Variants in BAZ2B observed in about 807,000 individuals in gnomAD.
BAZ2B encodes bromodomain adjacent to zinc finger domain 2B.
BAZ2B carries 91 observed loss-of-function variants against 246.0 expected under a neutral mutation model. The ratio of observed to expected loss-of-function variants is 0.37; its 90% CI spans 0.31 to 0.44. The LOEUF (loss-of-function observed/expected upper bound fraction) is 0.44. BAZ2B is among the 20% of genes least tolerant of loss of function. The probability of loss-of-function intolerance (pLI) is 1.00; values close to 1 mark genes in which losing one functional copy is unlikely to be tolerated. For synonymous variants in BAZ2B, 855 were observed against 860.0 expected (o/e 0.99, Z 0.10); for missense variants, 2,332 against 2,533.7 (o/e 0.92, Z 1.71).
chr2:159,708,134 T>C, the BAZ2B span, among the ~76,000 whole-genome samples: 1 of 151,662 alleles, frequency 6.6e-6, no homozygotes, highest in Admixed American at 6.6e-5. Context: ...AGCAAAAAAT[T>C]TAAAAACAAC....
At chr2:159,345,286 G>A (rs984922377) in intron 31 of BAZ2B, among the ~76,000 whole-genome samples, 2 of 151,756 alleles carry the variant, frequency 1.3e-5, no homozygotes, top group African/African-American at 4.8e-5. Flanking sequence ...ACTGTACGAT[G>A]ACTATAGTTA....
intron 2 of BAZ2B, among the ~76,000 whole-genome samples, chr2:159,512,090 C>T (rs944833834): frequency 6.6e-6 from 1 of 152,018 alleles, no homozygotes; most frequent in African/African-American, 2.4e-5. Flanking sequence ...TCTACCTATT[C>T]CCTCAGTATA....
chr2:159,700,910 A>C, the BAZ2B span, among the ~76,000 whole-genome samples: 3 of 152,344 alleles, frequency 2.0e-5, no homozygotes, highest in South Asian at 6.2e-4. Flanking sequence ...TCAATTTCAT[A>C]AAGTGATGTC....
At chr2:159,656,638 G>A in the BAZ2B span, among the ~76,000 whole-genome samples, 4 of 152,018 alleles carry the variant, frequency 2.6e-5, no homozygotes, top group African/African-American at 9.7e-5. Flanking sequence ...ACGTGTTTAA[G>A]GTTTCTCCAT....
At chr2:159,619,751 T>C (rs991289534), upstream of BAZ2B, among the ~76,000 whole-genome samples, 1 of 152,168 alleles carries the variant, frequency 6.6e-6, no homozygotes, top group Non-Finnish European at 1.5e-5. Context: ...TAAATTATTT[T>C]TAAAATATGA....
intron 9 of BAZ2B, among the ~76,000 whole-genome samples, 190 bp from the exon 10 acceptor site, chr2:159,431,346 T>C (rs2071078761): frequency 6.6e-6 from 1 of 152,156 alleles, no homozygotes; most frequent in Non-Finnish European, 1.5e-5. Context: ...TCAAAAACAA[T>C]TTTTTAAGTG....
chr2:159,580,404 C>T (rs1054674436), intron 1 of BAZ2B, among the ~76,000 whole-genome samples: 4 of 152,150 alleles, frequency 2.6e-5, no homozygotes, highest in Non-Finnish European at 5.9e-5. Context: ...CACGGCTCAA[C>T]AAAATAAAGG....
the BAZ2B span, among the ~76,000 whole-genome samples, chr2:159,648,480 A>T: frequency 3.9e-5 from 6 of 151,974 alleles, no homozygotes; most frequent in Middle Eastern, 6.3e-3. Context: ...CTTCCATGTT[A>T]CCCAACTCCA....
At chr2:159,597,589 C>T (rs941257544) in intron 1 of BAZ2B, among the ~76,000 whole-genome samples, 13 of 152,114 alleles carry the variant, frequency 8.5e-5, no homozygotes, top group Admixed American at 3.3e-4. Context: ...TGCAGTGACG[C>T]GATGTCAGCT....
In BAZ2B at chr2:159,350,308, A is replaced by G. The variant is rs376222922; in HGVS notation, c.4263T>C (p.Ser1421=). The G allele has an allele frequency of 1.0e-5, 16 of 1,582,216 alleles. No homozygotes were observed. Among genetic ancestry groups the G allele is most frequent in the African/African-American group, 5.5e-5 (4 of 73,210 alleles). Residue 1421 remains serine, a synonymous_variant, in exon 28 of 37, where the codon AGT becomes AGC. Transcript: ENST00000392783. ...KEREKLKKAE[S]VQIKEEMFET... Reference sequence around the variant, plus strand: ...CAAACATTTCTTCTTTGATCTGGACACTTTCTGCCTTTTTCAGTTTTTCTC... The same window carrying G: ...CAAACATTTCTTCTTTGATCTGGACGCTTTCTGCCTTTTTCAGTTTTTCTC...
intron 2 of BAZ2B, among the ~76,000 whole-genome samples, chr2:159,530,247 T>C (rs1451094337): frequency 1.3e-5 from 2 of 152,218 alleles, no homozygotes; most frequent in African/African-American, 2.4e-5. Context: ...ACTTTTGCAA[T>C]TGTTAAGTGC....
intron 27 of BAZ2B, among the ~76,000 whole-genome samples, chr2:159,360,550 G>A (rs969617469): frequency 2.1e-5 from 3 of 142,548 alleles, no homozygotes; most frequent in South Asian, 4.4e-4. Context: ...TAGATTCAAT[G>A]CTGTCCCCAT....
intron 2 of BAZ2B, among the ~76,000 whole-genome samples, chr2:159,518,484 C>A (rs1483375970): frequency 6.6e-6 from 1 of 152,134 alleles, no homozygotes; most frequent in Non-Finnish European, 1.5e-5. Flanking sequence ...GTCCAAGAAA[C>A]CACAGAGCTC....
chr2:159,565,439 G>A (rs1293705525), intron 1 of BAZ2B, among the ~76,000 whole-genome samples: 1 of 152,074 alleles, frequency 6.6e-6, no homozygotes, highest in East Asian at 1.9e-4. Flanking sequence ...GAGAAAAAAT[G>A]ATGGCAAAAA....
Position 159,549,282 on chromosome 2 carries a change from A to AAAAC in BAZ2B, c.-3+6537_-3+6540dup, listed in dbSNP as rs377622780. Among the ~76,000 whole-genome samples the AAAAC allele has an allele frequency of 3.7e-3, 560 of 152,314 alleles. 3 individuals carry two copies. The highest frequency in any genetic ancestry group is 0.012 in the African/African-American group (500 of 41,568). ...GGCAACAGAACGAGACTCTGTCTCAAAAACAAACAAACAAACAAACAACTA... is the reference window on the plus strand; with the variant it reads ...GGCAACAGAACGAGACTCTGTCTCAAAAACAAACAAACAAACAAACAAACAACTA... On this transcript the variant is annotated intron_variant, in intron 2 of 36. Transcript: ENST00000392783.
At chr2:159,534,462 T>C (rs2085711377) in intron 2 of BAZ2B, among the ~76,000 whole-genome samples, 1 of 152,178 alleles carries the variant, frequency 6.6e-6, no homozygotes, top group African/African-American at 2.4e-5. Flanking sequence ...ATATGAAAAG[T>C]ATTTGTATAG....
At chr2:159,544,554 T>G (rs10207558) in intron 2 of BAZ2B, among the ~76,000 whole-genome samples, 4,038 of 152,240 alleles carry the variant, frequency 0.027, 184 homozygotes, top group African/African-American at 0.092. Flanking sequence ...CAGGTTGAAT[T>G]ACATGTCTGT....
At chr2:159,636,575 A>C in the BAZ2B span, among the ~76,000 whole-genome samples, 5 of 152,216 alleles carry the variant, frequency 3.3e-5, no homozygotes, top group African/African-American at 1.2e-4. Flanking sequence ...TGTGGGCTGA[A>C]GTGCTCTGGG....
At chr2:159,530,655 T>C (rs1164775974) in intron 2 of BAZ2B, among the ~76,000 whole-genome samples, 3 of 152,088 alleles carry the variant, frequency 2.0e-5, no homozygotes, top group Admixed American at 1.3e-4. Flanking sequence ...TCATCAAAAT[T>C]TTTCTATATA....
Sources: gnomAD v4.1 joint callset for allele counts (sites outside exome capture counted in the v4.1 genomes callset) on GRCh38, gnomAD v4.1.1 for gene constraint, MANE v1.5 for transcripts, NCBI Gene and HGNC (gene_info 2026-07-23, HGNC 2026-07-21) for gene names.